PTPRR: variants seen among roughly 807,000 people sequenced by gnomAD.
The protein encoded by PTPRR is protein tyrosine phosphatase receptor type R.
Under a neutral mutation model 77.2 loss-of-function variants are expected in PTPRR, and 38 were observed. That is an observed-to-expected ratio of 0.49 (90% CI 0.38 to 0.65). The LOEUF (loss-of-function observed/expected upper bound fraction) is 0.65, where lower values mean the gene tolerates loss of function less well. PTPRR is among the 30% of genes least tolerant of loss of function. The probability of loss-of-function intolerance (pLI) is 0.00; values close to 1 mark genes in which losing one functional copy is unlikely to be tolerated. For missense variants in PTPRR, 744 were observed against 799.2 expected (o/e 0.93, Z 0.83); for synonymous variants, 299 against 283.1 (o/e 1.06, Z -0.57).
At chr12:70,847,392 AATTATAAT>A in intron 2 of PTPRR, among the ~76,000 whole-genome samples, 1 of 152,212 alleles carries the variant, frequency 6.6e-6, no homozygotes, top group Non-Finnish European at 1.5e-5. Flanking sequence ...AGCCAATAGA[AATTATAAT>A]ATGGTCAGTC....
intron 6 of PTPRR, among the ~76,000 whole-genome samples, chr12:70,704,130 C>T (rs1259151189): frequency 6.6e-6 from 1 of 151,882 alleles, no homozygotes; most frequent in Non-Finnish European, 1.5e-5. Flanking sequence ...CTATAAAAAG[C>T]CCAAAAATAG....
chr12:70,652,231 A>G (rs1886421433), intron 13 of PTPRR, among the ~76,000 whole-genome samples: 1 of 152,190 alleles, frequency 6.6e-6, no homozygotes, highest in African/African-American at 2.4e-5. Context: ...GGCAGCAGTT[A>G]GCCACACATT....
intron 1 of PTPRR, among the ~76,000 whole-genome samples, chr12:70,915,164 T>C (rs572071042): frequency 6.6e-6 from 1 of 151,966 alleles, no homozygotes; most frequent in Non-Finnish European, 1.5e-5. Flanking sequence ...TGAGGAAAAA[T>C]TTTAAAATTC....
chr12:70,773,126 T>C (rs1250301114), intron 2 of PTPRR, among the ~76,000 whole-genome samples: 1 of 152,180 alleles, frequency 6.6e-6, no homozygotes. Flanking sequence ...CCTCTGAGTG[T>C]CTGTGTCCAA....
At chr12:70,904,709 C>T (rs1276398313) in intron 1 of PTPRR, among the ~76,000 whole-genome samples, 4 of 151,258 alleles carry the variant, frequency 2.6e-5, no homozygotes, top group Admixed American at 6.6e-5. Flanking sequence ...TTTTTTCAAG[C>T]GTAACTATAT....
chr12:70,691,051 C>T (rs757445967), intron 8 of PTPRR, among the ~76,000 whole-genome samples: 2 of 152,134 alleles, frequency 1.3e-5, no homozygotes, highest in Non-Finnish European at 2.9e-5. Flanking sequence ...ATATATCCTT[C>T]TCTAGCAATT....
intron 8 of PTPRR, among the ~76,000 whole-genome samples, chr12:70,685,473 C>CAAAAAAAAAAA (rs61205959): frequency 1.1e-4 from 7 of 60,978 alleles, no homozygotes; most frequent in African/African-American, 2.7e-4. Context: ...GACTTCATCT[C>CAAAAAAAAAAA]AAAAAAAAAA....
intron 13 of PTPRR, among the ~76,000 whole-genome samples, chr12:70,648,708 C>T (rs772093157): frequency 6.6e-6 from 1 of 152,066 alleles, no homozygotes; most frequent in African/African-American, 2.4e-5. Flanking sequence ...AGATGTCCGG[C>T]ACCTCATTCT....
chr12:70,678,512 T>C (rs1351513573), intron 10 of PTPRR, among the ~76,000 whole-genome samples: 3 of 152,230 alleles, frequency 2.0e-5, no homozygotes, highest in Non-Finnish European at 4.4e-5. Context: ...TTATAATTCT[T>C]TGCATTTCTG....
intron 2 of PTPRR, among the ~76,000 whole-genome samples, chr12:70,858,233 C>T (rs541784634): frequency 1.3e-5 from 2 of 152,024 alleles, no homozygotes; most frequent in East Asian, 1.9e-4. Flanking sequence ...GCATCATGGT[C>T]CAATGACTCT....
chr12:70,831,849 C>A (rs971366433), intron 2 of PTPRR, among the ~76,000 whole-genome samples: 1 of 152,136 alleles, frequency 6.6e-6, no homozygotes, highest in Non-Finnish European at 1.5e-5. Context: ...AGAAAGTCTG[C>A]CAACATAGAG....
At chr12:70,835,543 T>G (rs1253742158) in intron 2 of PTPRR, among the ~76,000 whole-genome samples, 1 of 152,064 alleles carries the variant, frequency 6.6e-6, no homozygotes, top group Admixed American at 6.6e-5. Flanking sequence ...ATTGTTACAC[T>G]GCCAGCCAAG....
intron 13 of PTPRR, among the ~76,000 whole-genome samples, chr12:70,648,351 C>T (rs562347714): frequency 6.6e-6 from 1 of 152,266 alleles, no homozygotes; most frequent in East Asian, 1.9e-4. Context: ...AAAGCAAGAG[C>T]TGAGAGGGAT....
intron 6 of PTPRR, among the ~76,000 whole-genome samples, chr12:70,733,468 GGCAAAAAAAAAA>G: frequency 1.3e-5 from 1 of 75,050 alleles, no homozygotes; most frequent in East Asian, 2.5e-4. Context: ...GAAAAATTAT[GGCAAAAAAAAAA>G]AGAAAAAAAA....
At chr12:70,753,047 C>T (rs532084798) in intron 5 of PTPRR, among the ~76,000 whole-genome samples, 92 of 151,778 alleles carry the variant, frequency 6.1e-4, no homozygotes, top group African/African-American at 2.1e-3. Flanking sequence ...TTTCTTAATG[C>T]TTGACCCATA....
intron 2 of PTPRR, among the ~76,000 whole-genome samples, chr12:70,853,024 C>G (rs564218249): frequency 6.6e-6 from 1 of 152,166 alleles, no homozygotes. Flanking sequence ...CGTTCACGGG[C>G]CAGGGGCCGC....
chr12:70,846,497 A>G (rs1248642514), intron 2 of PTPRR, among the ~76,000 whole-genome samples: 4 of 152,160 alleles, frequency 2.6e-5, no homozygotes, highest in Non-Finnish European at 4.4e-5. Flanking sequence ...AGGCATTGCT[A>G]TTGTGTGAAT....
intron 2 of PTPRR, 56 bp from the exon 3 acceptor site, chr12:70,764,834 A>T (rs1890777598): frequency 7.9e-7 from 1 of 1,263,888 alleles, no homozygotes; most frequent in East Asian, 2.5e-5. Context: ...GTATAGATGT[A>T]TAGAATACAT....
At chr12:70,919,181 C>A (rs576370254) in intron 1 of PTPRR, among the ~76,000 whole-genome samples, 13 of 152,294 alleles carry the variant, frequency 8.5e-5, no homozygotes, top group African/African-American at 3.1e-4. Context: ...AAAAAAGATA[C>A]TGCAAGGATT....
Sources: gnomAD v4.1 joint callset for allele counts (sites outside exome capture counted in the v4.1 genomes callset) on GRCh38, gnomAD v4.1.1 for gene constraint, MANE v1.5 for transcripts, NCBI Gene and HGNC (gene_info 2026-07-23, HGNC 2026-07-21) for gene names.